CRISPLD1: variants seen among roughly 807,000 people sequenced by gnomAD.
CRISPLD1 encodes cysteine-rich secretory protein LCCL domain-containing 1.
Under a neutral mutation model 77.5 loss-of-function variants are expected in CRISPLD1, and 60 were observed. That is an observed-to-expected ratio of 0.77 (90% CI 0.63 to 0.96). CRISPLD1 has a LOEUF of 0.96. CRISPLD1 is among the 40% of genes least tolerant of loss of function. The probability of loss-of-function intolerance (pLI) is 0.00; values close to 1 mark genes in which losing one functional copy is unlikely to be tolerated. For synonymous variants in CRISPLD1, 195 were observed against 200.1 expected (o/e 0.97, Z 0.22); for missense variants, 623 against 615.8 (o/e 1.01, Z -0.12).
chr8:74,998,002 AT>A (rs1198604416), intron 2 of CRISPLD1, among the ~76,000 whole-genome samples: 2 of 152,164 alleles, frequency 1.3e-5, no homozygotes, highest in Non-Finnish European at 2.9e-5. Flanking sequence ...CTAGAGGGAC[AT>A]AAGGGAAAGC....
rs572830424 is a variant in CRISPLD1 at position 75,010,788 on chromosome 8, C to A, written c.259-1645C>A. On this transcript the variant is annotated intron_variant, in intron 2 of 14. Coordinates refer to ENST00000262207, the MANE Select transcript of CRISPLD1 (RefSeq NM_031461.6). ...TAGATTTTGATAACCCCAGAATTTT[C>A]TTTTTTATTCGTCTTCTCATTCTAT... Among the ~76,000 whole-genome samples, 5 of 151,876 alleles carry A rather than the reference C, an allele frequency of 3.3e-5. No homozygotes were observed. The South Asian group carries it at 1.0e-3, about 32-fold the overall frequency.
chr8:75,013,078 A>G, intron 4 of CRISPLD1, 56 bp downstream of exon 4: 2 of 1,387,242 alleles, frequency 1.4e-6, no homozygotes, highest in Non-Finnish European at 1.9e-6. Context: ...TGTAACTATG[A>G]AAGAAATTAG....
intron 2 of CRISPLD1, among the ~76,000 whole-genome samples, chr8:75,001,826 TA>T (rs1812747032): frequency 6.6e-6 from 1 of 152,202 alleles, no homozygotes; most frequent in Non-Finnish European, 1.5e-5. Flanking sequence ...ATCATAGCAC[TA>T]TTCCATTTTC....
chr8:75,004,438 G>C (rs999045670), intron 2 of CRISPLD1, among the ~76,000 whole-genome samples: 1 of 152,082 alleles, frequency 6.6e-6, no homozygotes, highest in African/African-American at 2.4e-5. Context: ...ATTGACGTCT[G>C]GGAGAAAATT....
intron 10 of CRISPLD1, 61 bp downstream of exon 10, chr8:75,017,511 A>ATT: frequency 6.6e-6 from 9 of 1,365,730 alleles, no homozygotes; most frequent in East Asian, 2.6e-5. Flanking sequence ...GAGCTAACAC[A>ATT]TTTTTTTTTA....
intron 13 of CRISPLD1, among the ~76,000 whole-genome samples, chr8:75,028,953 G>A (rs1813282789): frequency 6.6e-6 from 1 of 152,140 alleles, no homozygotes; most frequent in African/African-American, 2.4e-5. Flanking sequence ...TTAGGCAAAA[G>A]TGAACATACA....
rs1294568489 is a variant in CRISPLD1 at position 74,986,235 on chromosome 8, T to C, written c.248T>C (p.Met83Thr). Residue 83 changes from methionine to threonine, a missense_variant, in exon 2 of 15, where the codon ATG (methionine) becomes ACG (threonine). Coordinates refer to ENST00000262207, the MANE Select transcript of CRISPLD1 (RefSeq NM_031461.6). ...CAGGTGTATCCAACAGCCTCTAATATGGAGTATATGGTAAGGACATTTTTC... is the reference window on the plus strand; with the variant it reads ...CAGGTGTATCCAACAGCCTCTAATACGGAGTATATGGTAAGGACATTTTTC... ...RSQVYPTASN[M>T]EYMTWDVELE... The C allele has an allele frequency of 6.2e-7, 1 of 1,613,930 alleles. No homozygotes were observed. Among genetic ancestry groups the C allele is most frequent in the Non-Finnish European group, 8.5e-7 (1 of 1,179,830 alleles).
intron 2 of CRISPLD1, among the ~76,000 whole-genome samples, chr8:74,993,318 TA>T (rs1812601441): frequency 6.6e-6 from 1 of 152,194 alleles, no homozygotes; most frequent in African/African-American, 2.4e-5. Flanking sequence ...AAAAGTTAAA[TA>T]TTTTTATCTC....
Position 75,033,904 on chromosome 8 carries a change from C to A in CRISPLD1, c.*1662C>A, listed in dbSNP as rs1332809339. On this transcript the variant is annotated 3_prime_UTR_variant, in exon 15 of 15. Coordinates refer to ENST00000262207, the MANE Select transcript of CRISPLD1 (RefSeq NM_031461.6). ...CTTTTTTCGAAAGGATACATGACCA[C>A]CTTCTTAAATAGTATGACTTTACAT... 6.6e-6 allele frequency: 1 copy of A among 152,024 alleles called. No homozygotes were observed. Among genetic ancestry groups the A allele is most frequent in the African/African-American group, 2.4e-5 (1 of 41,450 alleles). The allele number at this position is 152,024 out of a possible 1,614,324, so 9.4% of individuals were successfully genotyped here.
At chr8:75,027,477 CTA>C (rs1226796350) in intron 13 of CRISPLD1, among the ~76,000 whole-genome samples, 1 of 152,176 alleles carries the variant, frequency 6.6e-6, no homozygotes, top group Non-Finnish European at 1.5e-5. Flanking sequence ...CTGTATACTT[CTA>C]TGTCTTTAAA....
At chr8:74,985,849 CTG>C (rs1267018265) in intron 1 of CRISPLD1, 75 bp from the exon 2 acceptor site, 7 of 917,366 alleles carry the variant, frequency 7.6e-6, no homozygotes, top group African/African-American at 1.7e-5. Context: ...TCCTTTGTAA[CTG>C]TTGTTTTGCT....
Position 75,032,192 on chromosome 8 carries a change from T to C in CRISPLD1, c.1453T>C (p.Leu485=). The C allele has an allele frequency of 6.2e-7, 1 of 1,604,340 alleles. No homozygotes were observed. Among genetic ancestry groups the C allele is most frequent in the Non-Finnish European group, 8.5e-7 (1 of 1,174,158 alleles). Reference sequence around the variant, plus strand: ...TTCATATATTTTTTTTTTTTGCAGTTTACAGAATCCTCCAGGAGGAAAGGC... The same window carrying C: ...TTCATATATTTTTTTTTTTTGCAGTCTACAGAATCCTCCAGGAGGAAAGGC... The part of the protein sequence containing the change: ...SFQNGIFSES[L]QNPPGGKAFR... The change falls in exon 15 of 15, where the codon TTA becomes CTA. Residue 485 remains leucine, a splice_region_variant and synonymous_variant. Coordinates refer to ENST00000262207, the MANE Select transcript of CRISPLD1 (RefSeq NM_031461.6).
chr8:75,001,695 A>G (rs1232321359), intron 2 of CRISPLD1, among the ~76,000 whole-genome samples: 1 of 152,162 alleles, frequency 6.6e-6, no homozygotes, highest in Admixed American at 6.6e-5. Flanking sequence ...AGGAAATGGC[A>G]GTCACAATCT....
intron 2 of CRISPLD1, among the ~76,000 whole-genome samples, chr8:74,993,947 A>G (rs543305417): frequency 6.6e-6 from 1 of 152,304 alleles, no homozygotes; most frequent in African/African-American, 2.4e-5. Flanking sequence ...GAAGTGTGGT[A>G]GGAGATGAGG....
In CRISPLD1 at chr8:75,014,874, GT is replaced by G; in HGVS notation, c.693del (p.Phe231LeufsTer29). On this transcript the variant is annotated frameshift_variant, in exon 6 of 15. Coordinates refer to ENST00000262207, the MANE Select transcript of CRISPLD1 (RefSeq NM_031461.6). LOFTEE classifies it high-confidence loss of function. ...CGGCCCTGTTCTGCTTGCCCACCTA[GT>G]TTTGGAGGGGGCTGTAGAGAAAATC... ...HGRPCSACPP[S>X]FGGGCRENLC... 1 of 1,577,304 alleles carries G rather than the reference GT, an allele frequency of 6.3e-7. No individual in the cohort carries two copies. The highest frequency in any genetic ancestry group is 1.2e-5 in the South Asian group (1 of 85,622).
At chr8:74,990,602 C>T (rs1812557271) in intron 2 of CRISPLD1, among the ~76,000 whole-genome samples, 1 of 130,308 alleles carries the variant, frequency 7.7e-6, no homozygotes, top group South Asian at 2.3e-4. Flanking sequence ...TTCCTACTGC[C>T]CATTGGACCA....
At chr8:75,014,363 A>T (rs529222537) in intron 5 of CRISPLD1, among the ~76,000 whole-genome samples, 1 of 152,254 alleles carries the variant, frequency 6.6e-6, no homozygotes, top group African/African-American at 2.4e-5. Flanking sequence ...TATACTATCC[A>T]TAAATATTGA....
chr8:75,024,523 C>T (rs1028274325), intron 12 of CRISPLD1, among the ~76,000 whole-genome samples: 3 of 152,086 alleles, frequency 2.0e-5, no homozygotes, highest in African/African-American at 7.2e-5. Context: ...CGGGGTTTCA[C>T]CTTGTTGGCC....
chr8:75,016,079 A>G (rs1004801225), intron 6 of CRISPLD1, among the ~76,000 whole-genome samples: 3 of 152,182 alleles, frequency 2.0e-5, no homozygotes. Flanking sequence ...TCTAAAGGAA[A>G]AAAACTCTAT....
Sources: allele counts gnomAD v4.1 joint callset (sites outside exome capture counted in the v4.1 genomes callset), GRCh38; gene constraint gnomAD v4.1.1; transcripts MANE v1.5; gene names NCBI Gene and HGNC (gene_info 2026-07-23, HGNC 2026-07-21).